Variants in TMEM214 observed in about 807,000 individuals in gnomAD.
TMEM214 encodes the protein transmembrane protein 214.
In TMEM214, 71 loss-of-function variants were observed where a neutral mutation model predicts 89.8. The ratio of observed to expected loss-of-function variants is 0.79; its 90% CI spans 0.65 to 0.96. The LOEUF is 0.96. Ranked by LOEUF, TMEM214 falls within the 40% of genes least tolerant of loss-of-function variation. The pLI is 0.00. For missense variants in TMEM214, 754 were observed against 843.4 expected (o/e 0.89, Z 1.31); for synonymous variants, 332 against 349.5 (o/e 0.95, Z 0.56).
At chr2:27,036,243 T>C (rs914655064) in intron 5 of TMEM214, among the ~76,000 whole-genome samples, 191 bp downstream of exon 5, 33 of 152,246 alleles carry the variant, frequency 2.2e-4, no homozygotes, top group African/African-American at 7.7e-4. Context: ...TTATTTCCCA[T>C]TTTTATAGAT....
chr2:27,038,039 G>A lies in TMEM214; in HGVS notation c.1153-107G>A, dbSNP rs770281916. 3.4e-5 allele frequency: 54 copies of A among 1,610,206 alleles called. No individual in the cohort carries two copies. Among genetic ancestry groups the A allele is most frequent in the Non-Finnish European group, 4.4e-5 (52 of 1,179,050 alleles). On this transcript the variant is annotated intron_variant, in intron 9 of 16. Transcript: ENST00000238788. The surrounding 1 kb of genome is among the most constrained non-coding windows in gnomAD (Gnocchi z 4.4). ...TGTTTCTCCACCCCTTAGGGTGGATGTGCGGCCTGGATGGCCTTGCTTACG... is the reference window on the plus strand; with the variant it reads ...TGTTTCTCCACCCCTTAGGGTGGATATGCGGCCTGGATGGCCTTGCTTACG...
In TMEM214 at chr2:27,032,988, A is replaced by T; in HGVS notation, c.-28A>T. ...TCGCGCCGGACCGGAAAGCCGGGGAAGTGGCCGAGGAGGGAGGGCTGCGAG... is the reference window on the plus strand; with the variant it reads ...TCGCGCCGGACCGGAAAGCCGGGGATGTGGCCGAGGAGGGAGGGCTGCGAG... On this transcript the variant is annotated 5_prime_UTR_variant, in exon 1 of 17. The change creates a new upstream start codon in the 5' untranslated region. Coordinates refer to ENST00000238788, the MANE Select transcript of TMEM214 (RefSeq NM_017727.5). The T allele has an allele frequency of 8.1e-7, 1 of 1,241,560 alleles. No homozygotes were observed. The highest frequency in any genetic ancestry group is 1.0e-6 in the Non-Finnish European group (1 of 985,194). The allele number at this position is 1,241,560 out of a possible 1,614,324, so 76.9% of individuals were successfully genotyped here. A position where few individuals can be genotyped will look rare whatever the true frequency, so the allele number is the denominator to read the frequency against.
intron 9 of TMEM214, 77 bp downstream of exon 9, chr2:27,037,779 T>G (rs751132076): frequency 6.2e-7 from 1 of 1,613,406 alleles, no homozygotes; most frequent in Non-Finnish European, 8.5e-7. Flanking sequence ...ACAAAGGCCT[T>G]GCCTTCACAG....
rs202013263 is a variant in TMEM214, at chr2:27,034,117, A to T, written c.202A>T (p.Met68Leu). The T allele has an allele frequency of 1.7e-5, 28 of 1,613,858 alleles. No homozygotes were observed. The highest frequency in any genetic ancestry group is 1.6e-4 in the Middle Eastern group (1 of 6,082). Reference sequence around the variant, plus strand: ...TTATGAGCGGGGCTTTGAGAATATCATGAAGCGGCAGAATAAGGAGCAGGT... The same window carrying T: ...TTATGAGCGGGGCTTTGAGAATATCTTGAAGCGGCAGAATAAGGAGCAGGT... ...TLYERGFENIMKRQNKEQVPP... is the reference protein window; with the variant it reads ...TLYERGFENILKRQNKEQVPP... The change falls in exon 2 of 17, where the codon ATG becomes TTG. Residue 68 changes from methionine to leucine, a missense_variant. Coordinates refer to ENST00000238788, the MANE Select transcript of TMEM214 (RefSeq NM_017727.5).
chr2:27,039,100 G>T lies in TMEM214; in HGVS notation c.1461G>T (p.Leu487=), dbSNP rs551045542. ...GGCTGCCCTGGACGCGGCTCCTCCTGTTGCTGCTGGTCTTCGCTGTAGGCT... is the reference window on the plus strand; with the variant it reads ...GGCTGCCCTGGACGCGGCTCCTCCTTTTGCTGCTGGTCTTCGCTGTAGGCT... ...GPRLPWTRLL[L]LLLVFAVGFL... is the part of the protein sequence containing the mutation. Residue 487 remains leucine (L), a synonymous_variant, in exon 13 of 17, where the codon CTG becomes CTT. Transcript: ENST00000238788. 1.2e-6 allele frequency: 2 copies of T among 1,613,918 alleles called. No homozygotes were observed. Among genetic ancestry groups the T allele is most frequent in the Non-Finnish European group, 8.5e-7 (1 of 1,180,044 alleles).
intron 3 of TMEM214, 59 bp from the exon 4 acceptor site, chr2:27,035,535 G>A (rs755063634): frequency 1.9e-6 from 3 of 1,601,724 alleles, no homozygotes; most frequent in Non-Finnish European, 2.6e-6. Context: ...GAGCACCACA[G>A]TTCTCAGAGC....
chr2:27,038,510 C>T lies in TMEM214; in HGVS notation c.1271C>T (p.Ser424Phe). ...CTTCTGCTGGAGCACTTGCTCAGCT[C>T]CTGGGAGCAGATTCCCAAGAAGGTG... Reference protein sequence around the residue: ...SSLLLEHLLSSWEQIPKKVQK... With the variant: ...SSLLLEHLLSFWEQIPKKVQK... The change falls in exon 11 of 17, where the codon TCC becomes TTC. Residue 424 changes from serine to phenylalanine, a missense_variant. Ser to Phe is a radical substitution (Grantham distance 155). Transcript: ENST00000238788. This position sits in a 1 kb window ranked among gnomAD's most constrained non-coding sequence, Gnocchi z 4.4. 6.2e-7 allele frequency: 1 copy of T among 1,614,058 alleles called. No individual in the cohort carries two copies. The highest frequency in any genetic ancestry group is 2.2e-5 in the East Asian group (1 of 44,882).
Position 27,038,624 on chromosome 2 carries a change from G to C in TMEM214, c.1294-78G>C. Reference sequence around the variant, plus strand: ...TCAGCCACTGTCCCTTCCCTGAGAAGGGACCCTGTTGGCATGGAAAATGAA... The same window carrying C: ...TCAGCCACTGTCCCTTCCCTGAGAACGGACCCTGTTGGCATGGAAAATGAA... On this transcript the variant is annotated intron_variant, in intron 11 of 16. Transcript: ENST00000238788. This position sits in a 1 kb window ranked among gnomAD's most constrained non-coding sequence, Gnocchi z 4.4. 1 of 1,605,572 alleles carries C rather than the reference G, an allele frequency of 6.2e-7. No homozygotes were observed. The highest frequency in any genetic ancestry group is 2.2e-5 in the East Asian group (1 of 44,706).
In TMEM214 at chr2:27,035,606, G is replaced by A; in HGVS notation, c.515G>A (p.Ser172Asn). 6.2e-7 allele frequency: 1 copy of A among 1,614,156 alleles called. No homozygotes were observed. Among genetic ancestry groups the A allele is most frequent in the Non-Finnish European group, 8.5e-7 (1 of 1,180,034 alleles). The change falls in exon 4 of 17, where the codon AGC (serine) becomes AAC (asparagine). Residue 172 changes from serine (S) to asparagine (N), a missense_variant. Coordinates refer to ENST00000238788, the MANE Select transcript of TMEM214 (RefSeq NM_017727.5). ...CTATGGGCCTTAGATTATCCCTACA[G>A]CCTGGTGAGCCGGGAGCTACGTGGG... ...LSQHTHDYPY[S>N]LVSRELRGII...
chr2:27,036,523 G>T lies in TMEM214; in HGVS notation c.757G>T (p.Ala253Ser). ...GCTGAGGTCCCACCAGAGCCGACCA[G>T]CAAAGTGTCTCACCATCATGTGGGC... ...ELLRSHQSRP[A>S]KCLTIMWALG... The change falls in exon 6 of 17, where the codon GCA becomes TCA. Residue 253 changes from alanine (A) to serine (S), a missense_variant. Ala to Ser is a moderately conservative substitution (Grantham distance 99, BLOSUM62 1). Transcript: ENST00000238788. The T allele has an allele frequency of 6.2e-7, 1 of 1,614,146 alleles. No homozygotes were observed. The highest frequency in any genetic ancestry group is 8.5e-7 in the Non-Finnish European group (1 of 1,180,038).
In TMEM214 at chr2:27,037,136, T is replaced by G. The variant is rs1667602055; in HGVS notation, c.968T>G (p.Leu323Arg). 1 of 1,614,036 alleles carries G rather than the reference T, an allele frequency of 6.2e-7. No individual in the cohort carries two copies. Among genetic ancestry groups the G allele is most frequent in the African/African-American group, 1.3e-5 (1 of 75,000 alleles). The change falls in exon 8 of 17, where the codon CTT becomes CGT. Residue 323 changes from leucine (L) to arginine (R), a missense_variant. Transcript: ENST00000238788. ...GMIGPKDFFPLLDFAYMPNNS... is the reference protein window; with the variant it reads ...GMIGPKDFFPRLDFAYMPNNS... The stretch of plus-strand genomic sequence containing the variant: ...ATTGGCCCCAAGGACTTCTTCCCAC[T>G]TCTGGACTTTGCCTATATGCCGAAC...
Position 27,035,771 on chromosome 2 carries a change from C to T in TMEM214, c.637+43C>T, listed in dbSNP as rs1218868183. 3.7e-6 allele frequency: 6 copies of T among 1,612,998 alleles called. No homozygotes were observed. In the African/African-American group the frequency reaches 4.0e-5, roughly 11 times the overall value. ...GGGATGACCATCTTGGGAGCCTCCT[C>T]CTTTTTTTCCTGCTTCCAGTACCAC... On this transcript the variant is annotated intron_variant, in intron 4 of 16. Transcript: ENST00000238788.
Position 27,039,055 on chromosome 2 carries a change from G to A in TMEM214, c.1416G>A (p.Leu472=). The A allele has an allele frequency of 1.2e-6, 2 of 1,613,546 alleles. No homozygotes were observed. Among genetic ancestry groups the A allele is most frequent in the Non-Finnish European group, 1.7e-6 (2 of 1,180,028 alleles). The change falls in exon 13 of 17, where the codon TTG becomes TTA. Residue 472 remains leucine (L), a synonymous_variant. Coordinates refer to ENST00000238788, the MANE Select transcript of TMEM214 (RefSeq NM_017727.5). ...VTCDMACKGL[L]QQVQGPRLPW... ...TGCTCCCCTCCCACCAGGGCCTGTT[G>A]CAGCAGGTTCAGGGTCCTCGGCTGC...
At chr2:27,035,084 C>T (rs1477463275) in intron 2 of TMEM214, 51 bp from the exon 3 acceptor site, 10 of 1,607,156 alleles carry the variant, frequency 6.2e-6, no homozygotes, top group Non-Finnish European at 8.5e-6. Flanking sequence ...TTTCTTTACT[C>T]CCTCACTCAC....
chr2:27,040,453 GAGGCCCTGGCCTGGGCCC>G lies in TMEM214; in HGVS notation c.1904_1921del (p.Ala635_Gln640del), dbSNP rs1400231583. The stretch of plus-strand genomic sequence containing the variant: ...GCTGCCACTGTGGCACCTCTTGCTT[GAGGCCCTGGCCTGGGCCC>G]AGGAGCACTGCCATGAGGCATGCAG... On this transcript the variant is annotated inframe_deletion, in exon 16 of 17. Transcript: ENST00000238788. The G allele has an allele frequency of 6.2e-7, 1 of 1,613,988 alleles. No homozygotes were observed. Among genetic ancestry groups the G allele is most frequent in the Non-Finnish European group, 8.5e-7 (1 of 1,180,024 alleles).
At chr2:27,035,509 T>G (rs1024358461) in intron 3 of TMEM214, 85 bp from the exon 4 acceptor site, 33 of 1,572,336 alleles carry the variant, frequency 2.1e-5, no homozygotes, top group Non-Finnish European at 2.8e-5. Context: ...TTGCCTCCAC[T>G]CACCATTCCC....
chr2:27,034,074 C>G lies in TMEM214; in HGVS notation c.159C>G (p.Ile53Met). 1 of 1,614,116 alleles carries G rather than the reference C, an allele frequency of 6.2e-7. No individual in the cohort carries two copies. The highest frequency in any genetic ancestry group is 8.5e-7 in the Non-Finnish European group (1 of 1,180,014). Residue 53 changes from isoleucine to methionine, a missense_variant, in exon 2 of 17, where the codon ATC becomes ATG. Transcript: ENST00000238788. ...GVWKYDLTPA[I>M]QTTSTLYERG... ...TACCTATCTTCACCCCAGCTGCAAT[C>G]CAGACCACAAGCACCCTTTATGAGC...
intron 4 of TMEM214, 47 bp downstream of exon 4, chr2:27,035,775 T>C: frequency 6.2e-7 from 1 of 1,613,028 alleles, no homozygotes; most frequent in African/African-American, 1.3e-5. Context: ...CCTCCTCCTT[T>C]TTTTCCTGCT....
intron 13 of TMEM214, 77 bp from the exon 14 acceptor site, chr2:27,039,664 T>C (rs1572794938): frequency 7.9e-7 from 1 of 1,268,612 alleles, no homozygotes; most frequent in Non-Finnish European, 1.2e-6. Flanking sequence ...CTGTGCCTGC[T>C]CTGGGCCCTG....
Sources: allele counts gnomAD v4.1 joint callset (sites outside exome capture counted in the v4.1 genomes callset), GRCh38; gene constraint gnomAD v4.1.1; non-coding constraint Gnocchi (gnomAD v3.1); transcripts MANE v1.5; gene names NCBI Gene and HGNC (gene_info 2026-07-23, HGNC 2026-07-21).